SH3D19: variants seen among roughly 807,000 people sequenced by gnomAD.
SH3D19 encodes SH3 domain-containing protein 19.
SH3D19 carries 58 observed loss-of-function variants against 112.1 expected under a neutral mutation model. That is an observed-to-expected ratio of 0.52 (90% CI 0.42 to 0.64). The LOEUF (loss-of-function observed/expected upper bound fraction) is 0.64. Among genes scored for constraint, SH3D19 ranks in the 30% least tolerant of loss-of-function variants. The pLI is 0.00. For missense variants in SH3D19, 1,090 were observed against 1,263.4 expected, an observed-to-expected ratio of 0.86 and a Z score of 2.08; for synonymous variants, 391 against 448.5, an observed-to-expected ratio of 0.87 and a Z score of 1.62.
At chr4:151,185,132 G>C (rs72723747) in intron 3 of SH3D19, among the ~76,000 whole-genome samples, 388 of 147,778 alleles carry the variant, frequency 2.6e-3, no homozygotes, top group Non-Finnish European at 3.9e-3. Context: ...TCTATCTTGG[G>C]GGATCCATGG....
At chr4:151,199,278 G>A (rs1329456716) in intron 2 of SH3D19, among the ~76,000 whole-genome samples, 5 of 152,150 alleles carry the variant, frequency 3.3e-5, no homozygotes, top group Non-Finnish European at 1.5e-5. Flanking sequence ...TACAGACTCT[G>A]AGTCTGAGTA....
chr4:151,202,681 G>A (rs995185839), intron 2 of SH3D19, among the ~76,000 whole-genome samples: 1 of 152,214 alleles, frequency 6.6e-6, no homozygotes, highest in African/African-American at 2.4e-5. Flanking sequence ...GGACAGGTAG[G>A]TAGGCAGACA....
At chr4:151,213,319 A>G (rs1290558184) in intron 2 of SH3D19, among the ~76,000 whole-genome samples, 2 of 152,212 alleles carry the variant, frequency 1.3e-5, no homozygotes, top group Non-Finnish European at 2.9e-5. Context: ...GGAAGAGTCA[A>G]TCGATGTGGC....
At chr4:151,157,481 A>C (rs1171151148) in intron 9 of SH3D19, among the ~76,000 whole-genome samples, 2 of 152,132 alleles carry the variant, frequency 1.3e-5, no homozygotes, top group Non-Finnish European at 2.9e-5. Flanking sequence ...ACTCTTATAC[A>C]CTGTTAGTGG....
chr4:151,304,954 A>G (rs1728793122), intron 1 of SH3D19, among the ~76,000 whole-genome samples: 1 of 152,056 alleles, frequency 6.6e-6, no homozygotes, highest in Non-Finnish European at 1.5e-5. Context: ...TTTTGGTTCT[A>G]GGCATAAAAC....
At chr4:151,228,130 T>A (rs1769278562) in intron 1 of SH3D19, 14 of 730,744 alleles carry the variant, frequency 1.9e-5, no homozygotes, top group Non-Finnish European at 2.3e-5. Flanking sequence ...AGCACTTTTC[T>A]ATTGAACCAG....
intron 11 of SH3D19, among the ~76,000 whole-genome samples, chr4:151,147,356 T>C (rs553043424): frequency 6.6e-6 from 1 of 152,310 alleles, no homozygotes; most frequent in South Asian, 2.1e-4. Flanking sequence ...TTTTTCAGAA[T>C]TTCTGTTTGG....
intron 1 of SH3D19, among the ~76,000 whole-genome samples, chr4:151,281,441 G>A (rs1430498961): frequency 6.6e-6 from 1 of 152,184 alleles, no homozygotes; most frequent in Admixed American, 6.5e-5. Flanking sequence ...TGGCTAGGAG[G>A]ATGGGTGGAA....
chr4:151,287,424 T>C (rs2150015035), intron 1 of SH3D19, among the ~76,000 whole-genome samples: 1 of 149,862 alleles, frequency 6.7e-6, no homozygotes. Context: ...GACAAAGGCA[T>C]CACAAGGAAG....
At chr4:151,316,798 C>T (rs1453455842) in intron 1 of SH3D19, among the ~76,000 whole-genome samples, 4 of 152,214 alleles carry the variant, frequency 2.6e-5, no homozygotes, top group Non-Finnish European at 4.4e-5. Context: ...AGCAAGGACT[C>T]GTTCCAGCTG....
chr4:151,128,557 T>C (rs1749925904), intron 17 of SH3D19, among the ~76,000 whole-genome samples: 1 of 152,212 alleles, frequency 6.6e-6, no homozygotes, highest in African/African-American at 2.4e-5. Context: ...TCTTAAATTA[T>C]AACTCTAAAT....
At chr4:151,215,961 G>C (rs1480358729) in intron 2 of SH3D19, among the ~76,000 whole-genome samples, 1 of 152,094 alleles carries the variant, frequency 6.6e-6, no homozygotes, top group Admixed American at 6.6e-5. Context: ...TGAGTAGCTA[G>C]CTGGGATTAC....
At chr4:151,253,890 T>C (rs550796188) in intron 1 of SH3D19, among the ~76,000 whole-genome samples, 3 of 152,306 alleles carry the variant, frequency 2.0e-5, no homozygotes, top group South Asian at 2.1e-4. Flanking sequence ...GTCCCTGGCG[T>C]GGGTATTGAA....
chr4:151,206,670 T>C (rs1324177427), intron 2 of SH3D19, among the ~76,000 whole-genome samples: 1 of 152,198 alleles, frequency 6.6e-6, no homozygotes, highest in Non-Finnish European at 1.5e-5. Flanking sequence ...TGGTATTGCA[T>C]TGACTTGTGA....
intron 1 of SH3D19, among the ~76,000 whole-genome samples, chr4:151,255,319 C>T (rs973535874): frequency 1.2e-4 from 18 of 149,306 alleles, no homozygotes; most frequent in East Asian, 4.1e-4. Flanking sequence ...ACGGGGCGGC[C>T]GGGCAGAGAT....
intron 2 of SH3D19, among the ~76,000 whole-genome samples, chr4:151,206,822 C>T (rs1194417899): frequency 1.3e-5 from 2 of 152,142 alleles, no homozygotes; most frequent in Non-Finnish European, 2.9e-5. Context: ...GGCAGCTTCT[C>T]GTGCATGCTC....
chr4:151,279,072 AC>A, intron 1 of SH3D19: 2 of 408,810 alleles, frequency 4.9e-6, no homozygotes, highest in East Asian at 7.5e-5. Flanking sequence ...CCTCTCACTG[AC>A]CAGGGAACAT....
intron 1 of SH3D19, among the ~76,000 whole-genome samples, chr4:151,285,880 A>AAT (rs1287718605): frequency 6.6e-6 from 1 of 151,960 alleles, no homozygotes; most frequent in Non-Finnish European, 1.5e-5. Context: ...GTCTCTTAAA[A>AAT]ATATATATAT....
chr4:151,144,680 T>C (rs1753618572), intron 11 of SH3D19, among the ~76,000 whole-genome samples: 1 of 152,192 alleles, frequency 6.6e-6, no homozygotes, highest in Admixed American at 6.5e-5. Context: ...TGATCAGTGA[T>C]TGGAGCCCTC....
Sources: allele counts gnomAD v4.1 joint callset (sites outside exome capture counted in the v4.1 genomes callset), GRCh38; gene constraint gnomAD v4.1.1; transcripts MANE v1.5; gene names NCBI Gene and HGNC (gene_info 2026-07-23, HGNC 2026-07-21).